UGT8: variants seen among roughly 807,000 people sequenced by gnomAD.
The protein encoded by UGT8 is 2-hydroxyacylsphingosine 1-beta-galactosyltransferase.
UGT8 carries 12 observed loss-of-function variants against 40.5 expected under a neutral mutation model. That is an observed-to-expected ratio of 0.30 (90% CI 0.19 to 0.48). The LOEUF (loss-of-function observed/expected upper bound fraction) is 0.48, where lower values mean the gene tolerates loss of function less well. Ranked by LOEUF, UGT8 falls within the 20% of genes least tolerant of loss-of-function variation. The probability of loss-of-function intolerance (pLI) is 0.99; values close to 1 mark genes in which losing one functional copy is unlikely to be tolerated. For synonymous variants in UGT8, 224 were observed against 240.4 expected (o/e 0.93, Z 0.63); for missense variants, 513 against 648.7 (o/e 0.79, Z 2.27).
At chr4:114,606,057 T>C (rs984852111) in intron 1 of UGT8, among the ~76,000 whole-genome samples, 4 of 152,244 alleles carry the variant, frequency 2.6e-5, no homozygotes, top group African/African-American at 9.6e-5. Context: ...AATTCAGAAT[T>C]TTTAATGGGT....
intron 1 of UGT8, among the ~76,000 whole-genome samples, chr4:114,620,297 C>T (rs1047386383): frequency 8.5e-5 from 13 of 152,160 alleles, no homozygotes; most frequent in Admixed American, 3.9e-4. Flanking sequence ...ACTCACCTCT[C>T]GAATATGCAA....
At chr4:114,670,020 A>G (rs1735136514) in intron 5 of UGT8, among the ~76,000 whole-genome samples, 1 of 152,188 alleles carries the variant, frequency 6.6e-6, no homozygotes, top group South Asian at 2.1e-4. Context: ...GAGATATTCT[A>G]GTTTAAACCA....
intron 1 of UGT8, among the ~76,000 whole-genome samples, chr4:114,612,377 A>T (rs1257322887): frequency 1.3e-5 from 2 of 152,106 alleles, no homozygotes; most frequent in Non-Finnish European, 2.9e-5. Context: ...CATCCCCAGA[A>T]ATTCTGATTT....
chr4:114,628,287 A>G (rs1348968699), intron 2 of UGT8, among the ~76,000 whole-genome samples: 1 of 151,934 alleles, frequency 6.6e-6, no homozygotes, highest in Non-Finnish European at 1.5e-5. Flanking sequence ...TTAGAGGTGT[A>G]TGTCACCACG....
intron 2 of UGT8, chr4:114,656,930 C>T (rs1418890270): frequency 2.3e-6 from 1 of 438,318 alleles, no homozygotes; most frequent in African/African-American, 2.1e-5. Flanking sequence ...TTGATATGTC[C>T]CAAGTGTCAG....
At chr4:114,622,593 G>A in intron 1 of UGT8, 1 of 291,190 alleles carries the variant, frequency 3.4e-6, no homozygotes, top group South Asian at 4.2e-5. Flanking sequence ...ATCCTCTCCG[G>A]CACCTGTTGT....
At chr4:114,605,923 GT>G (rs1353979891) in intron 1 of UGT8, among the ~76,000 whole-genome samples, 1 of 152,058 alleles carries the variant, frequency 6.6e-6, no homozygotes, top group Non-Finnish European at 1.5e-5. Flanking sequence ...AAAAATTGTG[GT>G]TAGTGACATT....
At chr4:114,659,587 A>G (rs1337781107) in intron 2 of UGT8, among the ~76,000 whole-genome samples, 1 of 152,160 alleles carries the variant, frequency 6.6e-6, no homozygotes, top group East Asian at 1.9e-4. Context: ...CTGTCCTGCC[A>G]TCTAGTGGAG....
chr4:114,599,591 G>A (rs1730313995), intron 1 of UGT8, among the ~76,000 whole-genome samples: 1 of 152,254 alleles, frequency 6.6e-6, no homozygotes, highest in African/African-American at 2.4e-5. Context: ...ACAATGGACA[G>A]TGTACAGTGG....
At chr4:114,663,885 A>G in intron 2 of UGT8, 110 bp from the exon 3 acceptor site, 1 of 1,503,596 alleles carries the variant, frequency 6.7e-7, no homozygotes, top group Non-Finnish European at 8.9e-7. Context: ...TTACTTTCTA[A>G]TTGTTTAAGA....
intron 2 of UGT8, among the ~76,000 whole-genome samples, chr4:114,626,947 C>T (rs1405524605): frequency 6.6e-6 from 1 of 152,170 alleles, no homozygotes; most frequent in African/African-American, 2.4e-5. Flanking sequence ...AGTTCAAATG[C>T]TTTTGATTAC....
chr4:114,666,574 A>G (rs991082933), intron 4 of UGT8, among the ~76,000 whole-genome samples: 2 of 152,080 alleles, frequency 1.3e-5, no homozygotes, highest in African/African-American at 4.8e-5. Flanking sequence ...TTATGGCTTT[A>G]CTGTTATGAC....
rs1026954846 is a variant in UGT8, at chr4:114,601,536, C to T, written c.-3+2562C>T. Among the ~76,000 whole-genome samples, 5 of 151,922 alleles carry T rather than the reference C, an allele frequency of 3.3e-5. No individual in the cohort carries two copies. In the East Asian group the frequency reaches 9.7e-4, roughly 29 times the overall value. ...CCTCATCTGCATTGGTACTTATTTA[C>T]ATAAGCACATTTTCTCGGTAGCTGA... On this transcript the variant is annotated intron_variant, in intron 1 of 5. Coordinates refer to ENST00000310836, the MANE Select transcript of UGT8 (RefSeq NM_001128174.3).
chr4:114,640,542 A>G (rs915611313), intron 2 of UGT8, among the ~76,000 whole-genome samples: 1 of 152,190 alleles, frequency 6.6e-6, no homozygotes, highest in East Asian at 1.9e-4. Flanking sequence ...ATGCTAGGAG[A>G]TCTCACCAAA....
chr4:114,621,161 T>A (rs1731763837), intron 1 of UGT8, among the ~76,000 whole-genome samples: 1 of 152,146 alleles, frequency 6.6e-6, no homozygotes. Context: ...CATGAAAAGG[T>A]AGGAGAAGTA....
chr4:114,621,949 G>A (rs944165547), intron 1 of UGT8, among the ~76,000 whole-genome samples: 3 of 150,826 alleles, frequency 2.0e-5, no homozygotes, highest in African/African-American at 7.4e-5. Flanking sequence ...ACTATAGAAT[G>A]CATTCTTTTT....
chr4:114,673,357 A>T (rs1285707026), intron 5 of UGT8, among the ~76,000 whole-genome samples: 1 of 152,084 alleles, frequency 6.6e-6, no homozygotes, highest in Non-Finnish European at 1.5e-5. Flanking sequence ...TGATCCATGG[A>T]CCTCCTCTGA....
At chr4:114,615,727 AT>A (rs1731368670) in intron 1 of UGT8, among the ~76,000 whole-genome samples, 5 of 152,226 alleles carry the variant, frequency 3.3e-5, no homozygotes, top group African/African-American at 1.2e-4. Context: ...AAGGGCATAC[AT>A]TAGAAATTGC....
intron 5 of UGT8, among the ~76,000 whole-genome samples, chr4:114,672,951 G>A (rs1333534867): frequency 1.3e-5 from 2 of 152,074 alleles, no homozygotes; most frequent in Non-Finnish European, 2.9e-5. Context: ...TTTGAGTCTG[G>A]AGCTTTTATT....
Sources: gnomAD v4.1 joint callset for allele counts (sites outside exome capture counted in the v4.1 genomes callset) on GRCh38, gnomAD v4.1.1 for gene constraint, MANE v1.5 for transcripts, NCBI Gene and HGNC (gene_info 2026-07-23, HGNC 2026-07-21) for gene names.